ELAVL2: variants seen among roughly 807,000 people sequenced by gnomAD.
ELAVL2 encodes the protein ELAV-like protein 2.
A neutral mutation model predicts 34.6 loss-of-function variants in ELAVL2; 4 were observed. The ratio of observed to expected loss-of-function variants is 0.12; its 90% CI spans 0.06 to 0.26. The LOEUF is 0.26. Ranked by LOEUF, ELAVL2 falls within the 10% of genes least tolerant of loss-of-function variation. The pLI is 1.00. For synonymous variants in ELAVL2, 193 were observed against 154.8 expected (o/e 1.25, Z -1.83); for missense variants, 432 against 442.8 (o/e 0.98, Z 0.22).
chr9:23,811,945 G>C (rs898216864), intron 1 of ELAVL2, among the ~76,000 whole-genome samples: 4 of 152,078 alleles, frequency 2.6e-5, no homozygotes, highest in African/African-American at 7.2e-5. Flanking sequence ...AGGGAAATAA[G>C]ACATAAAAAG....
chr9:23,717,039 A>G (rs1360251955), intron 3 of ELAVL2, among the ~76,000 whole-genome samples: 3 of 152,244 alleles, frequency 2.0e-5, no homozygotes, highest in Non-Finnish European at 4.4e-5. Flanking sequence ...GTTTCCCATC[A>G]TAACGCAGGT....
At chr9:23,806,674 G>C (rs921313427) in intron 1 of ELAVL2, among the ~76,000 whole-genome samples, 25 of 151,868 alleles carry the variant, frequency 1.6e-4, no homozygotes, top group African/African-American at 6.0e-4. Flanking sequence ...AGAAAACAAA[G>C]TTATAAGAAT....
At chr9:23,722,689 C>A (rs1452965222) in intron 3 of ELAVL2, among the ~76,000 whole-genome samples, 1 of 152,248 alleles carries the variant, frequency 6.6e-6, no homozygotes, top group African/African-American at 2.4e-5. Flanking sequence ...CAACATGATA[C>A]TACATTTCTG....
chr9:23,720,354 T>C (rs976329937), intron 3 of ELAVL2, among the ~76,000 whole-genome samples: 5 of 151,550 alleles, frequency 3.3e-5, no homozygotes, highest in Admixed American at 3.3e-4. Context: ...TTGTACTTTT[T>C]AGTAGAGATG....
At chr9:23,749,518 C>T (rs2051354009) in intron 2 of ELAVL2, among the ~76,000 whole-genome samples, 1 of 142,794 alleles carries the variant, frequency 7.0e-6, no homozygotes. Flanking sequence ...ACACTTCCCA[C>T]CTTCGTATAA....
At chr9:23,785,837 A>G (rs985935492) in intron 1 of ELAVL2, among the ~76,000 whole-genome samples, 1 of 152,244 alleles carries the variant, frequency 6.6e-6, no homozygotes, top group Non-Finnish European at 1.5e-5. Context: ...ATAGAGGAAG[A>G]GACACTGGGT....
chr9:23,790,155 C>T (rs569255601), intron 1 of ELAVL2, among the ~76,000 whole-genome samples: 1 of 151,676 alleles, frequency 6.6e-6, no homozygotes, highest in South Asian at 2.1e-4. Context: ...GAGGCAGGTC[C>T]GAGTGCTGTT....
intron 2 of ELAVL2, among the ~76,000 whole-genome samples, chr9:23,748,714 G>A (rs776547732): frequency 2.0e-5 from 3 of 152,212 alleles, no homozygotes; most frequent in East Asian, 1.9e-4. Context: ...AATGTGGCAT[G>A]AACTAAATTT....
chr9:23,809,188 A>G (rs1048337915), intron 1 of ELAVL2, among the ~76,000 whole-genome samples: 3 of 152,178 alleles, frequency 2.0e-5, no homozygotes, highest in Admixed American at 1.3e-4. Flanking sequence ...GGCCAATTTT[A>G]TACCAGAGGC....
At chr9:23,704,855 G>A in intron 4 of ELAVL2, 63 bp downstream of exon 4, 4 of 1,591,360 alleles carry the variant, frequency 2.5e-6, no homozygotes, top group East Asian at 2.2e-5. Context: ...TGGAAAGACA[G>A]AATATTTCAC....
rs2033423427 is a variant in ELAVL2 at position 23,692,338 on chromosome 9, C to A, written c.*219G>T. 1 of 540,216 alleles carries A rather than the reference C, an allele frequency of 1.9e-6. No homozygotes were observed. Among genetic ancestry groups the A allele is most frequent in the Non-Finnish European group, 3.2e-6 (1 of 313,314 alleles). The allele number at this position is 540,216 out of a possible 1,614,324, so 33.5% of individuals were successfully genotyped here. Reference sequence around the variant, plus strand: ...GAATGCAATGTGACAGGTAAAAACCCTGTACCTCTTGTCCATATTCAAACA... The same window carrying A: ...GAATGCAATGTGACAGGTAAAAACCATGTACCTCTTGTCCATATTCAAACA... On this transcript the variant is annotated 3_prime_UTR_variant, in exon 7 of 7. Transcript: ENST00000397312.
chr9:23,771,260 C>G (rs184863960), intron 1 of ELAVL2, among the ~76,000 whole-genome samples: 98 of 152,226 alleles, frequency 6.4e-4, no homozygotes, highest in African/African-American at 2.3e-3. Flanking sequence ...CATCAGTACA[C>G]TGTTGAAATC....
At chr9:23,732,982 A>G (rs1002895799) in intron 2 of ELAVL2, among the ~76,000 whole-genome samples, 1 of 152,078 alleles carries the variant, frequency 6.6e-6, no homozygotes, top group Non-Finnish European at 1.5e-5. Context: ...TGCCACAAAT[A>G]TAACAGAAAA....
At chr9:23,717,347 T>G (rs903589784) in intron 3 of ELAVL2, among the ~76,000 whole-genome samples, 1 of 152,178 alleles carries the variant, frequency 6.6e-6, no homozygotes, top group African/African-American at 2.4e-5. Flanking sequence ...ACGAGCAAAT[T>G]ACTTGATCCA....
chr9:23,742,774 T>C (rs1351538462), intron 2 of ELAVL2, among the ~76,000 whole-genome samples: 1 of 152,208 alleles, frequency 6.6e-6, no homozygotes, highest in African/African-American at 2.4e-5. Context: ...AACGTGATTT[T>C]TCTTCTCTTT....
intron 3 of ELAVL2, among the ~76,000 whole-genome samples, chr9:23,711,370 G>A (rs1002462138): frequency 6.6e-6 from 1 of 152,072 alleles, no homozygotes; most frequent in African/African-American, 2.4e-5. Flanking sequence ...GAGATACCAC[G>A]GAATATATTT....
At chr9:23,802,022 T>C (rs1249912280) in intron 1 of ELAVL2, among the ~76,000 whole-genome samples, 1 of 152,160 alleles carries the variant, frequency 6.6e-6, no homozygotes, top group Non-Finnish European at 1.5e-5. Context: ...ATCTGTTTCG[T>C]TTTGTTTTTT....
At chr9:23,699,437 A>G (rs1056640803) in intron 5 of ELAVL2, among the ~76,000 whole-genome samples, 4 of 152,236 alleles carry the variant, frequency 2.6e-5, no homozygotes, top group African/African-American at 9.6e-5. Context: ...TAGCTAATAT[A>G]GCTTTCCACT....
intron 3 of ELAVL2, among the ~76,000 whole-genome samples, chr9:23,707,580 G>C (rs1315251295): frequency 6.6e-6 from 1 of 152,192 alleles, no homozygotes; most frequent in Non-Finnish European, 1.5e-5. Flanking sequence ...ATGAGATCAA[G>C]TGTCACAGGA....
Sources: allele counts gnomAD v4.1 joint callset (sites outside exome capture counted in the v4.1 genomes callset), GRCh38; gene constraint gnomAD v4.1.1; transcripts MANE v1.5; gene names NCBI Gene and HGNC (gene_info 2026-07-23, HGNC 2026-07-21).